SHQ1: variants seen among roughly 807,000 people sequenced by gnomAD.
The protein encoded by SHQ1 is SHQ1, H/ACA ribonucleoprotein assembly factor.
SHQ1 carries 49 observed loss-of-function variants against 53.8 expected under a neutral mutation model. The observed-to-expected ratio is 0.91, with a 90% CI of 0.72 to 1.16. The LOEUF (loss-of-function observed/expected upper bound fraction) is 1.16, where lower values mean the gene tolerates loss of function less well. Ranked by LOEUF, SHQ1 falls within the 50% of genes most tolerant of loss-of-function variation. The pLI, the probability that SHQ1 is intolerant of heterozygous loss-of-function variation, is 0.00. For missense variants in SHQ1, 738 were observed against 683.1 expected (o/e 1.08, Z -0.90); for synonymous variants, 243 against 251.0 (o/e 0.97, Z 0.30).
chr3:72,729,046 A>C, the SHQ1 span, among the ~76,000 whole-genome samples: 2 of 152,216 alleles, frequency 1.3e-5, no homozygotes, highest in Admixed American at 1.3e-4. Context: ...CCTCCACTCC[A>C]GGTTGGGCAC....
At position 72,792,978 on chromosome 3, in the gene SHQ1, G is replaced by A. The variant is rs1706488816; in HGVS notation, c.1119C>T (p.Asp373=). ...LDIHKIFQEN[D]PAYILNDLYI... ...AGAGATCATTCAGTATGTACGCTGGGTCATTTTCCTGAAAAATTTTGTGAA... is the reference window on the plus strand; with the variant it reads ...AGAGATCATTCAGTATGTACGCTGGATCATTTTCCTGAAAAATTTTGTGAA... The change falls in exon 10 of 11, where the codon GAC becomes GAT. Residue 373 remains aspartate (D), a synonymous_variant. Coordinates refer to ENST00000325599, the MANE Select transcript of SHQ1 (RefSeq NM_018130.3). 3 of 1,611,570 alleles carry A rather than the reference G, an allele frequency of 1.9e-6. No homozygotes were observed. The highest frequency in any genetic ancestry group is 1.9e-4 in the Middle Eastern group (1 of 5,368).
chr3:72,742,869 G>A, the SHQ1 span, among the ~76,000 whole-genome samples: 1 of 152,000 alleles, frequency 6.6e-6, no homozygotes, highest in Non-Finnish European at 1.5e-5. Context: ...TCAGTCCTCG[G>A]CTTCGATCCA....
chr3:72,807,572 C>A (rs1706989990), intron 9 of SHQ1, among the ~76,000 whole-genome samples: 1 of 152,168 alleles, frequency 6.6e-6, no homozygotes, highest in South Asian at 2.1e-4. Context: ...AATATCTCCT[C>A]TACAATTCAA....
chr3:72,780,472 A>G (rs1024454123), intron 10 of SHQ1, among the ~76,000 whole-genome samples: 3 of 152,224 alleles, frequency 2.0e-5, no homozygotes, highest in East Asian at 3.9e-4. Flanking sequence ...TTTCTGAAGC[A>G]TTAGGATAAT....
intron 10 of SHQ1, among the ~76,000 whole-genome samples, chr3:72,781,492 C>G (rs556338019): frequency 3.3e-5 from 5 of 152,108 alleles, no homozygotes; most frequent in Non-Finnish European, 7.4e-5. Context: ...GCATTTAAGT[C>G]AGGTAGTTAA....
At chr3:72,765,275 CT>C (rs972835461) in intron 10 of SHQ1, among the ~76,000 whole-genome samples, 1 of 151,980 alleles carries the variant, frequency 6.6e-6, no homozygotes, top group Non-Finnish European at 1.5e-5. Flanking sequence ...ATGCCTGCCC[CT>C]GAACCCATTT....
intron 10 of SHQ1, among the ~76,000 whole-genome samples, chr3:72,769,799 T>C (rs1705806453): frequency 1.3e-5 from 2 of 151,946 alleles, no homozygotes; most frequent in South Asian, 4.2e-4. Context: ...ACCAAGAAAA[T>C]GTCCTGTGTT....
At chr3:72,813,715 C>T (rs1447550890) in intron 8 of SHQ1, among the ~76,000 whole-genome samples, 2 of 141,896 alleles carry the variant, frequency 1.4e-5, no homozygotes, top group Non-Finnish European at 3.0e-5. Context: ...GAGCCAAGAT[C>T]GCGCCACTGC....
chr3:72,824,766 G>A (rs1707596388), intron 5 of SHQ1, among the ~76,000 whole-genome samples: 1 of 149,738 alleles, frequency 6.7e-6, no homozygotes. Flanking sequence ...TGCCTAAAGG[G>A]ATATATAACA....
chr3:72,816,464 A>G (rs868584362), intron 7 of SHQ1, among the ~76,000 whole-genome samples: 16 of 152,220 alleles, frequency 1.1e-4, no homozygotes, highest in African/African-American at 3.9e-4. Context: ...CTTTTGAGCA[A>G]GGACAATTAT....
chr3:72,760,440 A>G (rs9811830), intron 10 of SHQ1, among the ~76,000 whole-genome samples: 51,654 of 152,112 alleles, frequency 0.34, 10,679 homozygotes, highest in African/African-American at 0.58. Flanking sequence ...ATAAGTGGCT[A>G]TGCTAGAGAG....
downstream of SHQ1, among the ~76,000 whole-genome samples, chr3:72,748,903 G>A (rs1005814693): frequency 1.1e-4 from 17 of 151,708 alleles, no homozygotes; most frequent in African/African-American, 4.1e-4. Context: ...TGCAGCAAGC[G>A]GAGATTGCAC....
At chr3:72,833,562 T>C (rs1358388357) in intron 4 of SHQ1, among the ~76,000 whole-genome samples, 1 of 134,894 alleles carries the variant, frequency 7.4e-6, no homozygotes, top group Non-Finnish European at 1.6e-5. Flanking sequence ...GATAGATAGA[T>C]AGATAGATAG....
At chr3:72,816,951 T>C (rs1575718628) in intron 7 of SHQ1, among the ~76,000 whole-genome samples, 1 of 152,108 alleles carries the variant, frequency 6.6e-6, no homozygotes, top group African/African-American at 2.4e-5. Flanking sequence ...GAGCTCAGAG[T>C]AGCCTTCCTC....
chr3:72,755,934 T>A (rs569936645), intron 10 of SHQ1, among the ~76,000 whole-genome samples: 4 of 152,246 alleles, frequency 2.6e-5, no homozygotes, highest in Admixed American at 6.5e-5. Flanking sequence ...TCTCGCTTTA[T>A]TGCCTGGGCT....
intron 10 of SHQ1, among the ~76,000 whole-genome samples, chr3:72,790,789 G>A (rs548890037): frequency 6.6e-5 from 10 of 152,146 alleles, no homozygotes; most frequent in Admixed American, 4.6e-4. Context: ...AAAGCAACAC[G>A]CCTGTTTAGG....
At chr3:72,804,719 G>T (rs990070662) in intron 9 of SHQ1, among the ~76,000 whole-genome samples, 4 of 152,140 alleles carry the variant, frequency 2.6e-5, no homozygotes, top group African/African-American at 9.7e-5. Context: ...GTTGGGATAT[G>T]GTGGCTCACA....
chr3:72,842,324 G>A lies in SHQ1; in HGVS notation c.287C>T (p.Ala96Val). 6.2e-6 allele frequency: 10 copies of A among 1,613,778 alleles called. No homozygotes were observed. The highest frequency in any genetic ancestry group is 8.5e-6 in the Non-Finnish European group (10 of 1,179,824). ...TTTTGCTGTCCTGGATTTTCTTGGT[G>A]CCAGAAGAGCAGTTAACATGTTCAG... ...EGLNMLTALL[A>V]PRKSRTAKPL... Residue 96 changes from alanine to valine, a missense_variant, in exon 3 of 11, where the codon GCA becomes GTA. Ala to Val is a moderately conservative substitution (Grantham distance 64). Transcript: ENST00000325599.
chr3:72,783,929 A>C (rs1706146038), intron 10 of SHQ1, among the ~76,000 whole-genome samples: 1 of 152,152 alleles, frequency 6.6e-6, no homozygotes, highest in African/African-American at 2.4e-5. Flanking sequence ...GTCTCATAGA[A>C]GAGAAAAAGG....
Sources: gnomAD v4.1 joint callset for allele counts (sites outside exome capture counted in the v4.1 genomes callset) on GRCh38, gnomAD v4.1.1 for gene constraint, MANE v1.5 for transcripts, NCBI Gene and HGNC (gene_info 2026-07-23, HGNC 2026-07-21) for gene names.